The following GPR39 variants were observed in gnomAD, a reference collection of about 807,000 sequenced individuals.
GPR39 encodes the protein zinc sensing receptor.
Under a neutral mutation model 18.4 loss-of-function variants are expected in GPR39, and 23 were observed. That is an observed-to-expected ratio of 1.25 (90% CI 0.90 to 1.77). The LOEUF (loss-of-function observed/expected upper bound fraction) is 1.77, where lower values mean the gene tolerates loss of function less well. Ranked by LOEUF, GPR39 falls within the 40% of genes most tolerant of loss-of-function variation. The probability of loss-of-function intolerance (pLI) is 0.00; values close to 1 mark genes in which losing one functional copy is unlikely to be tolerated. For missense variants in GPR39, 647 were observed against 602.4 expected (o/e 1.07, Z -0.78); for synonymous variants, 280 against 257.9 (o/e 1.09, Z -0.82).
At chr2:132,575,174 G>A (rs1680508224) in intron 1 of GPR39, among the ~76,000 whole-genome samples, 1 of 151,900 alleles carries the variant, frequency 6.6e-6, no homozygotes, top group Non-Finnish European at 1.5e-5. Context: ...GTATTCTATT[G>A]TATGGTTTAT....
intron 1 of GPR39, among the ~76,000 whole-genome samples, chr2:132,453,471 G>A (rs1680665935): frequency 6.6e-6 from 1 of 152,254 alleles, no homozygotes; most frequent in African/African-American, 2.4e-5. Flanking sequence ...CTGTGCAGAA[G>A]CTCTTTAGTT....
At chr2:132,533,648 A>T (rs1679686202) in intron 1 of GPR39, among the ~76,000 whole-genome samples, 1 of 152,168 alleles carries the variant, frequency 6.6e-6, no homozygotes, top group Non-Finnish European at 1.5e-5. Context: ...CACAACAGAG[A>T]TATAGACCAA....
intron 1 of GPR39, among the ~76,000 whole-genome samples, chr2:132,602,574 G>A (rs765041471): frequency 6.6e-6 from 1 of 152,012 alleles, no homozygotes. Flanking sequence ...CACAGCAAAG[G>A]AAACAATGAA....
rs60267293 is a variant in GPR39 at position 132,546,839 on chromosome 2, C to CAAAAAA, written c.857-98241_857-98236dup. ...TCTCCAGGATGCAGTAGCTCCACAG[C>CAAAAAA]AAAAAAAAAAAAAAAAAAAAAAAAA... On this transcript the variant is annotated intron_variant, in intron 1 of 1. Transcript: ENST00000329321. 2.0e-3 allele frequency among the ~76,000 whole-genome samples: 67 copies of CAAAAAA among 33,962 alleles called. 2 individuals are homozygous for CAAAAAA. The highest frequency in any genetic ancestry group is 5.6e-3 in the African/African-American group (62 of 11,064). The allele number at this position is 33,962 out of a possible 152,430, so 22.3% of individuals were successfully genotyped here.
intron 1 of GPR39, among the ~76,000 whole-genome samples, chr2:132,449,451 T>C (rs764475275): frequency 2.0e-5 from 3 of 152,126 alleles, no homozygotes; most frequent in Admixed American, 1.3e-4. Context: ...TTCACCGTGT[T>C]GTGGTCAGGC....
intron 1 of GPR39, among the ~76,000 whole-genome samples, chr2:132,439,605 A>T (rs533772627): frequency 1.3e-5 from 2 of 152,322 alleles, no homozygotes; most frequent in South Asian, 2.1e-4. Flanking sequence ...CAGAAAAAGG[A>T]TTGTTTTGAG....
chr2:132,603,185 A>G (rs775223887), intron 1 of GPR39, among the ~76,000 whole-genome samples: 2 of 152,198 alleles, frequency 1.3e-5, no homozygotes, highest in Non-Finnish European at 2.9e-5. Context: ...GTATATATGC[A>G]ATGGAATACT....
chr2:132,437,649 C>T (rs530670577), intron 1 of GPR39, among the ~76,000 whole-genome samples: 17 of 152,298 alleles, frequency 1.1e-4, no homozygotes, highest in Admixed American at 1.1e-3. Context: ...TCTGAGTTAA[C>T]CCCAGGTATT....
rs1679372186 is a variant in GPR39 at position 132,518,527 on chromosome 2, G to A, written c.856+100629G>A. ...CATCCGCCCCGTTCATGGGCTCTGT[G>A]ACAGCTCCGTTCCCTGGTGCAACAA... is the stretch of plus-strand genomic sequence containing the variant. On this transcript the variant is annotated intron_variant, in intron 1 of 1. Transcript: ENST00000329321. Among the ~76,000 whole-genome samples the A allele has an allele frequency of 2.0e-5, 3 of 152,322 alleles. 1 individual carries two copies. In the South Asian group the frequency reaches 6.2e-4, roughly 32 times the overall value.
intron 1 of GPR39, among the ~76,000 whole-genome samples, chr2:132,480,290 TAA>T (rs1485762768): frequency 1.3e-5 from 2 of 152,304 alleles, no homozygotes; most frequent in Non-Finnish European, 2.9e-5. Context: ...GTTCAGTGGG[TAA>T]AGAGTTTCAG....
At position 132,417,637 on chromosome 2, in the gene GPR39, C is replaced by T. The variant is rs1275458344; in HGVS notation, c.595C>T (p.His199Tyr). Residue 199 changes from histidine to tyrosine, a missense_variant, in exon 1 of 2, where the codon CAC (histidine) becomes TAC (tyrosine). Transcript: ENST00000329321. ...LTCNRSSTRH[H>Y]EQPETSNMSI... ...TTGCAACCGCTCCAGCACCCGCCACCACGAGCAGCCCGAGACCTCCAATAT... is the reference window on the plus strand; with the variant it reads ...TTGCAACCGCTCCAGCACCCGCCACTACGAGCAGCCCGAGACCTCCAATAT... 6.2e-7 allele frequency: 1 copy of T among 1,614,112 alleles called. No individual in the cohort carries two copies. Among genetic ancestry groups the T allele is most frequent in the Non-Finnish European group, 8.5e-7 (1 of 1,180,018 alleles).
chr2:132,596,355 T>G (rs1430230872), intron 1 of GPR39, among the ~76,000 whole-genome samples: 1 of 152,094 alleles, frequency 6.6e-6, no homozygotes, highest in Non-Finnish European at 1.5e-5. Context: ...TCTCTCTCTT[T>G]GTTTTGCAAT....
intron 1 of GPR39, among the ~76,000 whole-genome samples, chr2:132,426,183 C>G (rs1680114924): frequency 6.6e-6 from 1 of 152,198 alleles, no homozygotes; most frequent in Non-Finnish European, 1.5e-5. Context: ...CCCAGCCATT[C>G]ACAGATCCAC....
At chr2:132,465,530 C>T (rs1680912918) in intron 1 of GPR39, among the ~76,000 whole-genome samples, 1 of 152,108 alleles carries the variant, frequency 6.6e-6, no homozygotes, top group African/African-American at 2.4e-5. Context: ...CTGGGGAGTC[C>T]CTGGATGGCA....
chr2:132,530,669 AC>A (rs1315739812), intron 1 of GPR39, among the ~76,000 whole-genome samples: 2 of 152,378 alleles, frequency 1.3e-5, no homozygotes, highest in Non-Finnish European at 2.9e-5. Context: ...CAGAAACTCT[AC>A]AAGCCAGAAG....
chr2:132,608,835 G>T (rs1681187969), intron 1 of GPR39, among the ~76,000 whole-genome samples: 1 of 152,186 alleles, frequency 6.6e-6, no homozygotes, highest in Non-Finnish European at 1.5e-5. Flanking sequence ...GAATCAATGA[G>T]CACTTGAGAT....
intron 1 of GPR39, among the ~76,000 whole-genome samples, chr2:132,418,802 A>AT (rs546945881): frequency 1.2e-3 from 190 of 152,280 alleles, no homozygotes; most frequent in African/African-American, 4.1e-3. Flanking sequence ...TTTAAAATAT[A>AT]TTTTTTTAGC....
At chr2:132,600,286 C>A (rs1246557220) in intron 1 of GPR39, among the ~76,000 whole-genome samples, 1 of 152,104 alleles carries the variant, frequency 6.6e-6, no homozygotes, top group East Asian at 1.9e-4. Flanking sequence ...TAAGTGCTTA[C>A]ATTTAAAAAG....
intron 1 of GPR39, among the ~76,000 whole-genome samples, chr2:132,566,444 G>T (rs1268473939): frequency 1.3e-5 from 2 of 152,240 alleles, no homozygotes; most frequent in African/African-American, 4.8e-5. Context: ...TGTTGCCATT[G>T]CTTAGTTTCC....
Sources: allele counts gnomAD v4.1 joint callset (sites outside exome capture counted in the v4.1 genomes callset), GRCh38; gene constraint gnomAD v4.1.1; transcripts MANE v1.5; gene names NCBI Gene and HGNC (gene_info 2026-07-23, HGNC 2026-07-21).